Variants in POT1 observed in about 807,000 individuals in gnomAD.
POT1 encodes the protein protection of telomeres protein 1.
POT1 carries 47 observed loss-of-function variants against 78.5 expected under a neutral mutation model. The ratio of observed to expected loss-of-function variants is 0.60; its 90% CI spans 0.47 to 0.76. The LOEUF (loss-of-function observed/expected upper bound fraction) is 0.76. POT1 is among the 30% of genes least tolerant of loss of function. The pLI is 0.00. For synonymous variants in POT1, 259 were observed against 260.7 expected (o/e 0.99, Z 0.06); for missense variants, 646 against 749.9 (o/e 0.86, Z 1.62).
At chr7:124,869,902 T>G (rs1795826185) in intron 7 of POT1, among the ~76,000 whole-genome samples, 2 of 152,124 alleles carry the variant, frequency 1.3e-5, no homozygotes, top group Admixed American at 6.6e-5. Context: ...TCTATTTCTT[T>G]TTATCTTTAC....
intron 11 of POT1, among the ~76,000 whole-genome samples, chr7:124,850,065 T>A (rs1795266484): frequency 7.1e-6 from 1 of 140,056 alleles, no homozygotes; most frequent in Admixed American, 7.0e-5. Flanking sequence ...TGAATCATTT[T>A]AAAAGGAAAA....
chr7:124,916,172 T>G (rs1323982571), intron 2 of POT1, among the ~76,000 whole-genome samples: 1 of 152,162 alleles, frequency 6.6e-6, no homozygotes, highest in Non-Finnish European at 1.5e-5. Flanking sequence ...GTTTTTAATC[T>G]GGATGGTTTT....
At chr7:124,890,631 C>T (rs1418118950) in intron 6 of POT1, among the ~76,000 whole-genome samples, 2 of 151,870 alleles carry the variant, frequency 1.3e-5, no homozygotes, top group African/African-American at 4.8e-5. Context: ...CCTGACCAAT[C>T]AACCTATCAT....
At chr7:124,925,502 G>A (rs1239882968) in intron 2 of POT1, among the ~76,000 whole-genome samples, 3 of 152,044 alleles carry the variant, frequency 2.0e-5, no homozygotes, top group African/African-American at 7.2e-5. Flanking sequence ...TCGTGGATCA[G>A]AAGAATTAAT....
In POT1 at chr7:124,824,637, C is replaced by T. The variant is rs141195881; in HGVS notation, c.1793-563G>A. Among the ~76,000 whole-genome samples, 34 of 152,030 alleles carry T rather than the reference C, an allele frequency of 2.2e-4. No individual in the cohort carries two copies. In the East Asian group the frequency reaches 3.3e-3, roughly 15 times the overall value. ...AATCTGCAGCTGGTAAAATTTCCTA[C>T]GATAAAAAATTGTTAGAAAAATCAA... On this transcript the variant is annotated intron_variant, in intron 18 of 18. Transcript: ENST00000357628.
chr7:124,884,455 T>G (rs1259582980), intron 6 of POT1, among the ~76,000 whole-genome samples: 1 of 152,096 alleles, frequency 6.6e-6, no homozygotes, highest in Non-Finnish European at 1.5e-5. Context: ...CATCCAAGAC[T>G]GCTAAACAAA....
chr7:124,893,003 A>G (rs887763968), intron 5 of POT1, among the ~76,000 whole-genome samples: 5 of 151,542 alleles, frequency 3.3e-5, no homozygotes, highest in African/African-American at 1.2e-4. Flanking sequence ...CACTAGTCTT[A>G]ACAATACAAG....
chr7:124,869,447 A>G (rs1477622835), intron 7 of POT1, among the ~76,000 whole-genome samples: 1 of 152,212 alleles, frequency 6.6e-6, no homozygotes, highest in Non-Finnish European at 1.5e-5. Context: ...CATAAACAAT[A>G]ACAACAACTA....
chr7:124,835,280 C>T lies in POT1; in HGVS notation c.1504G>A (p.Gly502Arg). ...ACAAAACAAAACAAAACAAAATACC[C>T]ATAGTGATGTATTGTTCCTTGTATA... ...FLIQGTIHHY[G>R]CKQCSSLRSI... Residue 502 changes from glycine to arginine, a missense_variant and splice_region_variant, in exon 15 of 19, where the codon GGA becomes AGA. Physicochemically the swap from Gly to Arg is moderately radical, Grantham distance 125. Around this residue, in one of 2 missense-constraint regions of POT1, gnomAD observed 394 missense variants for 408.4 expected, o/e 0.96. Transcript: ENST00000357628. The T allele has an allele frequency of 6.3e-7, 1 of 1,584,400 alleles. No homozygotes were observed. Among genetic ancestry groups the T allele is most frequent in the East Asian group, 2.3e-5 (1 of 43,946 alleles).
intron 3 of POT1, among the ~76,000 whole-genome samples, chr7:124,907,663 T>G (rs1796797783): frequency 6.6e-6 from 1 of 152,068 alleles, no homozygotes. Context: ...CCATGGACTC[T>G]GAGTGATAAT....
At chr7:124,865,376 A>C (rs1795695127) in intron 7 of POT1, among the ~76,000 whole-genome samples, 1 of 151,906 alleles carries the variant, frequency 6.6e-6, no homozygotes, top group Non-Finnish European at 1.5e-5. Flanking sequence ...TAAATATTTT[A>C]TTTCCCTTCA....
intron 7 of POT1, among the ~76,000 whole-genome samples, chr7:124,865,457 A>G (rs963578828): frequency 6.6e-5 from 10 of 151,932 alleles, no homozygotes; most frequent in African/African-American, 2.4e-4. Context: ...AGGGTCTATT[A>G]ATTTGTATTT....
At chr7:124,912,580 T>C (rs191459034) in intron 3 of POT1, among the ~76,000 whole-genome samples, 39 of 152,274 alleles carry the variant, frequency 2.6e-4, no homozygotes, top group Admixed American at 2.4e-3. Flanking sequence ...TATATTTACT[T>C]TTTTTGGTTT....
intron 6 of POT1, among the ~76,000 whole-genome samples, chr7:124,885,468 T>C (rs1252139342): frequency 2.6e-5 from 4 of 151,672 alleles, no homozygotes; most frequent in Admixed American, 6.6e-5. Context: ...CAAGACCCTG[T>C]CTCTCTTAAA....
intron 15 of POT1, among the ~76,000 whole-genome samples, chr7:124,834,257 G>A (rs1794838394): frequency 1.3e-5 from 2 of 152,032 alleles, no homozygotes; most frequent in South Asian, 4.1e-4. Context: ...TGACAAATGG[G>A]ACCTAATTAA....
At chr7:124,883,266 A>G (rs1485387096) in intron 6 of POT1, among the ~76,000 whole-genome samples, 2 of 152,140 alleles carry the variant, frequency 1.3e-5, no homozygotes, top group Non-Finnish European at 2.9e-5. Flanking sequence ...TCTTTCACAA[A>G]TGAAGGTTCT....
chr7:124,836,188 G>A (rs1013119981), intron 14 of POT1, among the ~76,000 whole-genome samples: 2 of 152,100 alleles, frequency 1.3e-5, no homozygotes, highest in Non-Finnish European at 2.9e-5. Flanking sequence ...AAGAATATTG[G>A]CAAAAACTGT....
intron 15 of POT1, among the ~76,000 whole-genome samples, chr7:124,832,926 C>T (rs879777576): frequency 6.6e-6 from 1 of 151,672 alleles, no homozygotes; most frequent in Non-Finnish European, 1.5e-5. Flanking sequence ...TATTTCCTTT[C>T]CTGGTTTAGA....
chr7:124,863,752 A>G, intron 7 of POT1, 112 bp from the exon 8 acceptor site: 1 of 830,666 alleles, frequency 1.2e-6, no homozygotes, highest in Non-Finnish European at 1.9e-6. Context: ...CATAATTAAG[A>G]GAGGGCATTT....
Sources: allele counts gnomAD v4.1 joint callset (sites outside exome capture counted in the v4.1 genomes callset), GRCh38; gene constraint gnomAD v4.1.1; regional missense constraint gnomAD v4.1.1; transcripts MANE v1.5; gene names NCBI Gene and HGNC (gene_info 2026-07-23, HGNC 2026-07-21).